The following AGA variants were observed in gnomAD, a reference collection of about 807,000 sequenced individuals.
AGA encodes N(4)-(beta-N-acetylglucosaminyl)-L-asparaginase.
A neutral mutation model predicts 40.1 loss-of-function variants in AGA; 31 were observed. That is an observed-to-expected ratio of 0.77 (90% CI 0.58 to 1.04). The LOEUF is 1.04. AGA is among the 50% of genes least tolerant of loss of function. The probability of loss-of-function intolerance (pLI) is 0.00; values close to 1 mark genes in which losing one functional copy is unlikely to be tolerated. For synonymous variants in AGA, 148 were observed against 144.0 expected (o/e 1.03, Z -0.20); for missense variants, 445 against 435.4 (o/e 1.02, Z -0.20).
chr4:177,437,466 G>C lies in AGA; in HGVS notation c.561C>G (p.Ile187Met). ...TATGGATAGGAATATCCTGCTTTAA[G>C]ATACCAGGTGGTTTGTAGGGTCCGC... ...KYCGPYKPPG[I>M]LKQDIPIHKE... The change falls in exon 5 of 9, where the codon ATC (isoleucine) becomes ATG (methionine). Residue 187 changes from isoleucine to methionine, a missense_variant. Ile to Met is a conservative substitution (Grantham distance 10). Transcript: ENST00000264595. 1 of 1,613,526 alleles carries C rather than the reference G, an allele frequency of 6.2e-7. No individual in the cohort carries two copies. The highest frequency in any genetic ancestry group is 8.5e-7 in the Non-Finnish European group (1 of 1,179,552).
chr4:177,436,714 G>A (rs1029539979), intron 5 of AGA, among the ~76,000 whole-genome samples: 4 of 152,180 alleles, frequency 2.6e-5, no homozygotes, highest in East Asian at 1.9e-4. Flanking sequence ...CCCAGCCTCC[G>A]TAACTGTGAG....
intron 6 of AGA, among the ~76,000 whole-genome samples, chr4:177,435,778 C>T (rs1372060632): frequency 1.3e-5 from 2 of 151,362 alleles, no homozygotes; most frequent in South Asian, 2.1e-4. Context: ...CCAGTGGGAG[C>T]CCTGAGCGTG....
At chr4:177,435,245 A>G (rs2111010882) in intron 6 of AGA, among the ~76,000 whole-genome samples, 1 of 152,352 alleles carries the variant, frequency 6.6e-6, no homozygotes, top group East Asian at 1.9e-4. Flanking sequence ...TGTTCTCACC[A>G]TAATAAAATA....
chr4:177,439,710 T>G (rs745417069), intron 2 of AGA, 22 bp from the exon 3 acceptor site: 2 of 1,547,824 alleles, frequency 1.3e-6, no homozygotes, highest in African/African-American at 2.7e-5. Flanking sequence ...TAGAATGCAG[T>G]TAGGAATTAA....
Position 177,440,467 on chromosome 4 carries a change from T to A in AGA, c.128-41A>T, listed in dbSNP as rs3792607. 0.53 allele frequency: 836,437 copies of A among 1,569,786 alleles called. 224,168 individuals carry two copies. The highest frequency in any genetic ancestry group is 0.57 in the African/African-American group (41,512 of 73,046). ...CAATAATGCTTGTTTATATATATAT[T>A]TTTTTTTCAATGCCAAATGCAACAA... is the stretch of plus-strand genomic sequence containing the variant. On this transcript the variant is annotated intron_variant, in intron 1 of 8. Coordinates refer to ENST00000264595, the MANE Select transcript of AGA (RefSeq NM_000027.4).
At position 177,442,127 on chromosome 4, in the gene AGA, A is replaced by AGGCCCGGCCC. The variant is rs1397898194; in HGVS notation, c.127+112_127+121dup. 2.2e-5 allele frequency: 31 copies of AGGCCCGGCCC among 1,429,950 alleles called. No homozygotes were observed. In the East Asian group the frequency reaches 4.9e-4, roughly 23 times the overall value. 88.6% of individuals were successfully genotyped at this position (1,429,950 alleles called of 1,614,324 possible). A position where few individuals can be genotyped will look rare whatever the true frequency, so the allele number is the denominator to read the frequency against. ...GGAAGACCTAGAGGGCGGGACCGCG[A>AGGCCCGGCCC]GGCCCGGCCCAGCCCGGCGCTCTTC... On this transcript the variant is annotated intron_variant, in intron 1 of 8. Transcript: ENST00000264595.
rs1736619511 is a variant in AGA at position 177,431,205 on chromosome 4, T to C, written c.*503A>G. On this transcript the variant is annotated 3_prime_UTR_variant, in exon 9 of 9. Transcript: ENST00000264595. ...AGTATCTCATGTTCTATCATCTTCCTTCCTCAAGTTTTTAGGGAATATTAA... is the reference window on the plus strand; with the variant it reads ...AGTATCTCATGTTCTATCATCTTCCCTCCTCAAGTTTTTAGGGAATATTAA... 2.3e-6 allele frequency: 1 copy of C among 440,942 alleles called. No individual in the cohort carries two copies. The highest frequency in any genetic ancestry group is 4.5e-6 in the Non-Finnish European group (1 of 222,588). The allele number at this position is 440,942 out of a possible 1,614,324, so 27.3% of individuals were successfully genotyped here.
At chr4:177,436,438 T>C in intron 5 of AGA, 87 bp from the exon 6 acceptor site, 1 of 1,055,710 alleles carries the variant, frequency 9.5e-7, no homozygotes, top group Admixed American at 1.8e-5. Context: ...TAATAACTGC[T>C]GTGCTCTGAA....
Position 177,442,386 on chromosome 4 carries a change from C to T in AGA, c.-11G>A. The T allele has an allele frequency of 1.9e-6, 3 of 1,613,996 alleles. No homozygotes were observed. Among genetic ancestry groups the T allele is most frequent in the Non-Finnish European group, 1.7e-6 (2 of 1,179,922 alleles). On this transcript the variant is annotated 5_prime_UTR_variant, in exon 1 of 9. Transcript: ENST00000264595. ...CGACTTCCGCGCCATCCCTGACCACCGAAGAGACCAGCGCGAGAAAAGTCC... is the reference window on the plus strand; with the variant it reads ...CGACTTCCGCGCCATCCCTGACCACTGAAGAGACCAGCGCGAGAAAAGTCC...
At chr4:177,440,741 G>A (rs896727844) in intron 1 of AGA, among the ~76,000 whole-genome samples, 2 of 150,874 alleles carry the variant, frequency 1.3e-5, no homozygotes, top group Non-Finnish European at 2.9e-5. Context: ...AGGTACAATC[G>A]AAACCACTAA....
intron 2 of AGA, among the ~76,000 whole-genome samples, chr4:177,439,890 T>G (rs1008946466): frequency 6.6e-6 from 1 of 152,192 alleles, no homozygotes; most frequent in South Asian, 2.1e-4. Flanking sequence ...CAACTTGCCA[T>G]GTACCACAAC....
At chr4:177,440,995 A>T (rs1013504550) in intron 1 of AGA, among the ~76,000 whole-genome samples, 1 of 152,182 alleles carries the variant, frequency 6.6e-6, no homozygotes, top group African/African-American at 2.4e-5. Context: ...AGAAAAGTAA[A>T]CAGAGCCACA....
chr4:177,431,737 G>A lies in AGA; in HGVS notation c.1012C>T (p.Pro338Ser), dbSNP rs773608824. 20 of 1,613,330 alleles carry A rather than the reference G, an allele frequency of 1.2e-5. No individual in the cohort carries two copies. Among genetic ancestry groups the A allele is most frequent in the Middle Eastern group, 1.6e-4 (1 of 6,080 alleles). Residue 338 changes from proline (P) to serine (S), a missense_variant, in exon 9 of 9, where the codon CCA (proline) becomes TCA (serine). Transcript: ENST00000264595. Reference protein sequence around the residue: ...FMVYNSEKNQPTEEKVDCI With the variant: ...FMVYNSEKNQSTEEKVDCI ...ATGCAGTCCACTTTTTCCTCAGTTG[G>A]CTGATTTTTTTCGGAATTATAAACC...
At position 177,434,504 on chromosome 4, in the gene AGA, T is replaced by C; in HGVS notation, c.699-15A>G. The C allele has an allele frequency of 6.2e-7, 1 of 1,606,158 alleles. No homozygotes were observed. The highest frequency in any genetic ancestry group is 8.5e-7 in the Non-Finnish European group (1 of 1,172,862). Reference sequence around the variant, plus strand: ...CTCCTACACGGCTTTGAGAGGGTATTAACAATTTACGGCAGGAAATCGAGT... The same window carrying C: ...CTCCTACACGGCTTTGAGAGGGTATCAACAATTTACGGCAGGAAATCGAGT... On this transcript the variant is annotated splice_polypyrimidine_tract_variant and intron_variant, in intron 6 of 8. Coordinates refer to ENST00000264595, the MANE Select transcript of AGA (RefSeq NM_000027.4).
rs764924616 is a variant in AGA, at chr4:177,442,349, C to A, written c.27G>T (p.Val9=). 29 of 1,613,990 alleles carry A rather than the reference C, an allele frequency of 1.8e-5. No individual in the cohort carries two copies. The highest frequency in any genetic ancestry group is 2.4e-5 in the Non-Finnish European group (28 of 1,179,966). Residue 9 remains valine, a synonymous_variant, in exon 1 of 9, where the codon GTG becomes GTT. Transcript: ENST00000264595. MARKSNLP[V]LLVPFLLCQA... ...GGCAGAGCAGAAACGGCACGAGAAG[C>A]ACAGGCAAGTTCGACTTCCGCGCCA...
In AGA at chr4:177,430,924, C is replaced by A; in HGVS notation, c.*784G>T. The A allele has an allele frequency of 2.2e-6, 1 of 454,046 alleles. No individual in the cohort carries two copies. The highest frequency in any genetic ancestry group is 4.4e-6 in the Non-Finnish European group (1 of 226,762). 28.1% of individuals were successfully genotyped at this position (454,046 alleles called of 1,614,324 possible). ...AGTTAGGGAAACAAACCAAGCTAAA[C>A]AACCCATTTCTTGACTTCTAATTGC... On this transcript the variant is annotated 3_prime_UTR_variant, in exon 9 of 9. Transcript: ENST00000264595.
intron 2 of AGA, 68 bp downstream of exon 2, chr4:177,440,205 T>C (rs1736950068): frequency 5.1e-6 from 8 of 1,574,358 alleles, no homozygotes; most frequent in Non-Finnish European, 6.1e-6. Context: ...TCTTTCATCT[T>C]GCTCTCAGAA....
chr4:177,434,526 G>A (rs763153208), intron 6 of AGA, 37 bp from the exon 7 acceptor site: 5 of 1,547,190 alleles, frequency 3.2e-6, no homozygotes, highest in African/African-American at 1.4e-5. Context: ...GCAGGAAATC[G>A]AGTGTAAAAC....
intron 5 of AGA, 106 bp downstream of exon 5, chr4:177,437,299 G>T (rs1736854079): frequency 1.2e-6 from 1 of 807,066 alleles, no homozygotes; most frequent in Non-Finnish European, 2.1e-6. Flanking sequence ...CACTTAATTG[G>T]CAGTTAAAAC....
Sources: allele counts gnomAD v4.1 joint callset (sites outside exome capture counted in the v4.1 genomes callset), GRCh38; gene constraint gnomAD v4.1.1; transcripts MANE v1.5; gene names NCBI Gene and HGNC (gene_info 2026-07-23, HGNC 2026-07-21).